CNNM2: variants seen among roughly 807,000 people sequenced by gnomAD.
CNNM2 encodes the protein cyclin and CBS domain divalent metal cation transport mediator 2, also known as metal transporter CNNM2.
In CNNM2, 12 loss-of-function variants were observed where a neutral mutation model predicts 66.9. The observed-to-expected ratio is 0.18, with a 90% CI of 0.11 to 0.29. The LOEUF (loss-of-function observed/expected upper bound fraction) is 0.29. Among genes scored for constraint, CNNM2 ranks in the 10% least tolerant of loss-of-function variants. The probability of loss-of-function intolerance (pLI) is 1.00; values close to 1 mark genes in which losing one functional copy is unlikely to be tolerated. For synonymous variants in CNNM2, 557 were observed against 501.8 expected (o/e 1.11, Z -1.47); for missense variants, 705 against 1,167.7 (o/e 0.60, Z 5.77).
intron 1 of CNNM2, among the ~76,000 whole-genome samples, chr10:102,961,026 C>T (rs756723884): frequency 2.6e-5 from 4 of 151,750 alleles, no homozygotes; most frequent in Non-Finnish European, 5.9e-5. Flanking sequence ...TACAGGCACG[C>T]ACCACCACAC....
At chr10:103,073,436 G>T (rs1000038161) in intron 6 of CNNM2, among the ~76,000 whole-genome samples, 1 of 152,150 alleles carries the variant, frequency 6.6e-6, no homozygotes, top group African/African-American at 2.4e-5. Flanking sequence ...TGGCCAAAGC[G>T]CAGGGATACA....
At position 102,973,816 on chromosome 10, in the gene CNNM2, T is replaced by TC. The variant is rs5787478; in HGVS notation, c.1621+53726dup. ...AAGCTAACAGCATCTTTTCATGTATTCCCCCCCCCCCTTTTTTAAAACAAC... is the reference window on the plus strand; with the variant it reads ...AAGCTAACAGCATCTTTTCATGTATTCCCCCCCCCCCCTTTTTTAAAACAAC... On this transcript the variant is annotated intron_variant, in intron 1 of 7. Coordinates refer to ENST00000369878, the MANE Select transcript of CNNM2 (RefSeq NM_017649.5). Among the ~76,000 whole-genome samples the TC allele has an allele frequency of 3.0e-3, 425 of 143,556 alleles. 2 individuals carry two copies. Among genetic ancestry groups the TC allele is most frequent in the East Asian group, 0.025 (121 of 4,756 alleles). 94.2% of individuals were successfully genotyped at this position (143,556 alleles called of 152,430 possible).
intron 1 of CNNM2, among the ~76,000 whole-genome samples, chr10:102,989,550 C>T (rs1392448980): frequency 6.6e-6 from 1 of 152,066 alleles, no homozygotes; most frequent in Non-Finnish European, 1.5e-5. Flanking sequence ...TGCCTGTAAT[C>T]CCAGCACTTT....
intron 6 of CNNM2, among the ~76,000 whole-genome samples, chr10:103,073,498 C>A (rs1356315156): frequency 6.6e-6 from 1 of 152,186 alleles, no homozygotes; most frequent in Non-Finnish European, 1.5e-5. Context: ...GGTGAAGTCA[C>A]TGCATGTGCA....
At chr10:102,920,935 G>A (rs1275485292) in intron 1 of CNNM2, 1 of 225,500 alleles carries the variant, frequency 4.4e-6, no homozygotes, top group Non-Finnish European at 7.4e-6. Flanking sequence ...CTTTAACAGT[G>A]GGATGAATCC....
chr10:103,073,090 C>T (rs143696883), intron 6 of CNNM2, among the ~76,000 whole-genome samples: 20 of 152,352 alleles, frequency 1.3e-4, no homozygotes, highest in African/African-American at 4.1e-4. Context: ...CCTCTGCTCG[C>T]GCTGGCGCCC....
At chr10:103,073,628 G>A (rs543372805) in intron 6 of CNNM2, among the ~76,000 whole-genome samples, 233 of 151,928 alleles carry the variant, frequency 1.5e-3, no homozygotes, top group African/African-American at 5.1e-3. Context: ...TTCGGAGGCC[G>A]AGGCGGGTGG....
intron 1 of CNNM2, among the ~76,000 whole-genome samples, chr10:102,922,770 G>A (rs746321525): frequency 7.9e-5 from 12 of 151,838 alleles, no homozygotes; most frequent in Non-Finnish European, 1.6e-4. Context: ...GTGACACCCC[G>A]TGCCTACAAA....
chr10:102,975,613 T>A (rs964670311), intron 1 of CNNM2, among the ~76,000 whole-genome samples: 3 of 152,134 alleles, frequency 2.0e-5, no homozygotes, highest in Non-Finnish European at 4.4e-5. Context: ...AAGCCCAAAT[T>A]AACAAATTGC....
At chr10:102,974,411 A>G (rs961146128) in intron 1 of CNNM2, among the ~76,000 whole-genome samples, 5 of 152,250 alleles carry the variant, frequency 3.3e-5, no homozygotes, top group African/African-American at 9.6e-5. Context: ...AAGTAAGCAC[A>G]GGATGATGTT....
chr10:103,061,668 T>A (rs2065388373), intron 4 of CNNM2, among the ~76,000 whole-genome samples: 1 of 152,348 alleles, frequency 6.6e-6, no homozygotes, highest in Non-Finnish European at 1.5e-5. Context: ...AATATGGGCT[T>A]AATCCTAAAA....
chr10:103,063,511 C>G (rs1399612030), intron 4 of CNNM2, among the ~76,000 whole-genome samples: 1 of 152,210 alleles, frequency 6.6e-6, no homozygotes, highest in Admixed American at 6.5e-5. Flanking sequence ...GTGGTTGTGC[C>G]CACGCTGGCT....
chr10:103,040,476 A>G (rs1168048558), intron 1 of CNNM2, among the ~76,000 whole-genome samples: 1 of 152,070 alleles, frequency 6.6e-6, no homozygotes, highest in Non-Finnish European at 1.5e-5. Flanking sequence ...TCCTTAATTC[A>G]GTAGCTGGTG....
chr10:103,062,053 C>G (rs1405057525), intron 4 of CNNM2, among the ~76,000 whole-genome samples: 1 of 152,176 alleles, frequency 6.6e-6, no homozygotes, highest in African/African-American at 2.4e-5. Flanking sequence ...TTTTACAAAG[C>G]TATCTATGCA....
Position 103,020,167 on chromosome 10 carries a change from T to C in CNNM2, c.1622-29540T>C, listed in dbSNP as rs527637742. ...CTTGCATTTTTGTTCTTTTTTTTTT[T>C]CGTCTGAGACAGAGGCTTGCTCTGT... On this transcript the variant is annotated intron_variant, in intron 1 of 7. Coordinates refer to ENST00000369878, the MANE Select transcript of CNNM2 (RefSeq NM_017649.5). Among the ~76,000 whole-genome samples, 8 of 152,204 alleles carry C rather than the reference T, an allele frequency of 5.3e-5. No homozygotes were observed. In the South Asian group the frequency reaches 1.2e-3, roughly 24 times the overall value.
intron 1 of CNNM2, among the ~76,000 whole-genome samples, chr10:102,995,820 C>A (rs1262292395): frequency 1.3e-5 from 2 of 151,952 alleles, no homozygotes; most frequent in Non-Finnish European, 2.9e-5. Context: ...TCCGCCTCAG[C>A]CTCCCGAGTA....
intron 1 of CNNM2, among the ~76,000 whole-genome samples, chr10:103,010,527 G>A (rs1290286517): frequency 6.6e-6 from 1 of 152,134 alleles, no homozygotes; most frequent in Non-Finnish European, 1.5e-5. Flanking sequence ...ACTGTACCTG[G>A]CCTCATTTTT....
intron 5 of CNNM2, among the ~76,000 whole-genome samples, 177 bp from the exon 6 acceptor site, chr10:103,071,597 C>T (rs1004989399): frequency 7.2e-5 from 11 of 152,212 alleles, no homozygotes; most frequent in Admixed American, 3.3e-4. Flanking sequence ...CTGTATTCCT[C>T]TTCCTGGAAA....
intron 1 of CNNM2, among the ~76,000 whole-genome samples, chr10:102,999,627 T>C (rs2064077107): frequency 1.3e-5 from 2 of 152,126 alleles, no homozygotes; most frequent in Admixed American, 6.5e-5. Context: ...AATACAATCC[T>C]TATCAAAATC....
Sources: gnomAD v4.1 joint callset for allele counts (sites outside exome capture counted in the v4.1 genomes callset) on GRCh38, gnomAD v4.1.1 for gene constraint, MANE v1.5 for transcripts, NCBI Gene and HGNC (gene_info 2026-07-23, HGNC 2026-07-21) for gene names.